CTIF: variants seen among roughly 807,000 people sequenced by gnomAD.
CTIF encodes the protein CBP80/20-dependent translation initiation factor.
Under a neutral mutation model 66.0 loss-of-function variants are expected in CTIF, and 21 were observed. The ratio of observed to expected loss-of-function variants is 0.32; its 90% confidence interval spans 0.23 to 0.46. CTIF has a LOEUF of 0.46. Ranked by LOEUF, CTIF falls within the 20% of genes least tolerant of loss-of-function variation. CTIF has a pLI of 1.00. For synonymous variants in CTIF, 345 were observed against 326.4 expected (o/e 1.06, Z -0.62); for missense variants, 739 against 812.7 (o/e 0.91, Z 1.10).
At chr18:48,633,034 T>C (rs2090748968) in intron 2 of CTIF, among the ~76,000 whole-genome samples, 1 of 32,628 alleles carries the variant, frequency 3.1e-5, no homozygotes, top group African/African-American at 4.8e-5. Flanking sequence ...TGCGTGCCCA[T>C]CAGGAGGCCC....
intron 3 of CTIF, among the ~76,000 whole-genome samples, chr18:48,637,272 G>T (rs1330523487): frequency 2.0e-5 from 3 of 152,156 alleles, no homozygotes; most frequent in African/African-American, 4.8e-5. Context: ...CTTGTGGGTG[G>T]GTTGCATGGC....
intron 6 of CTIF, among the ~76,000 whole-genome samples, chr18:48,678,464 A>G (rs2145110519): frequency 6.6e-6 from 1 of 151,862 alleles, no homozygotes; most frequent in East Asian, 1.9e-4. Flanking sequence ...GCGCCCATAC[A>G]ATAAATGGGG....
chr18:48,670,236 CAG>C (rs1254187813), intron 5 of CTIF, among the ~76,000 whole-genome samples: 3 of 152,138 alleles, frequency 2.0e-5, no homozygotes, highest in African/African-American at 7.2e-5. Context: ...TGGACTGACC[CAG>C]AGTCAAGCCA....
At chr18:48,587,553 G>A (rs1346018227) in intron 1 of CTIF, among the ~76,000 whole-genome samples, 1 of 152,166 alleles carries the variant, frequency 6.6e-6, no homozygotes, top group Non-Finnish European at 1.5e-5. Context: ...GCCTGGGAGG[G>A]AGTTCAGAGG....
intron 9 of CTIF, among the ~76,000 whole-genome samples, chr18:48,793,587 G>A (rs976422890): frequency 4.6e-5 from 7 of 152,170 alleles, no homozygotes; most frequent in African/African-American, 9.7e-5. Context: ...ATCCCTTGGC[G>A]CAAGTGACAT....
intron 1 of CTIF, 73 bp from the exon 2 acceptor site, chr18:48,619,463 GGT>G: frequency 1.1e-6 from 1 of 920,434 alleles, no homozygotes; most frequent in Middle Eastern, 3.2e-4. Context: ...AGGAGCAGAG[GGT>G]GTTTCTCAGG....
intron 1 of CTIF, among the ~76,000 whole-genome samples, chr18:48,585,226 A>G (rs1599187558): frequency 6.6e-6 from 1 of 152,392 alleles, no homozygotes; most frequent in Middle Eastern, 3.4e-3. Context: ...TGTTAACACC[A>G]TTTGAAGATC....
chr18:48,854,113 G>A (rs1429813095), intron 10 of CTIF, among the ~76,000 whole-genome samples: 1 of 152,192 alleles, frequency 6.6e-6, no homozygotes, highest in Admixed American at 6.5e-5. Flanking sequence ...TGGGGTTAAA[G>A]GGCAGCAGAG....
intron 10 of CTIF, among the ~76,000 whole-genome samples, chr18:48,844,487 A>G (rs1292503703): frequency 6.6e-6 from 1 of 152,206 alleles, no homozygotes; most frequent in Non-Finnish European, 1.5e-5. Context: ...TGTGACATCC[A>G]CTGTCGCTAC....
At chr18:48,788,202 G>A (rs545877436) in intron 9 of CTIF, among the ~76,000 whole-genome samples, 2 of 152,182 alleles carry the variant, frequency 1.3e-5, no homozygotes, top group Non-Finnish European at 2.9e-5. Flanking sequence ...CCCAGAAGAG[G>A]GGTAGGAAAG....
At chr18:48,731,210 G>A (rs2092454536) in intron 7 of CTIF, among the ~76,000 whole-genome samples, 1 of 152,052 alleles carries the variant, frequency 6.6e-6, no homozygotes, top group South Asian at 2.1e-4. Flanking sequence ...CACAAGGGAG[G>A]ACCACCTCCT....
intron 7 of CTIF, among the ~76,000 whole-genome samples, chr18:48,734,834 C>T (rs569499686): frequency 2.9e-4 from 44 of 152,318 alleles, no homozygotes; most frequent in Non-Finnish European, 5.7e-4. Context: ...CAAGCCTAGA[C>T]TGAGCCAGGC....
At chr18:48,702,681 G>A (rs569554455) in intron 6 of CTIF, among the ~76,000 whole-genome samples, 1 of 152,204 alleles carries the variant, frequency 6.6e-6, no homozygotes, top group South Asian at 2.1e-4. Context: ...TTTTTAAAAG[G>A]ATCTCTGCTG....
intron 1 of CTIF, among the ~76,000 whole-genome samples, chr18:48,540,518 G>A (rs893675725): frequency 5.3e-5 from 8 of 151,918 alleles, no homozygotes; most frequent in African/African-American, 1.9e-4. Context: ...AGACAATCGG[G>A]AGGGGGGTGG....
intron 10 of CTIF, among the ~76,000 whole-genome samples, chr18:48,823,536 C>A (rs951989816): frequency 6.6e-6 from 1 of 152,166 alleles, no homozygotes; most frequent in Non-Finnish European, 1.5e-5. Flanking sequence ...TGTTTTCATA[C>A]CAGTACCATA....
In CTIF at chr18:48,567,094, G is replaced by C. The variant is rs909435048; in HGVS notation, c.-29+27782G>C. On this transcript the variant is annotated intron_variant, in intron 1 of 11. Coordinates refer to ENST00000256413, the MANE Select transcript of CTIF (RefSeq NM_014772.3). ...GAGTTGGGGATATAGCAGGTGAACA[G>C]AAGAGACAATAAATCTTGCCCTCAT... 7 of 152,228 alleles carry C rather than the reference G, an allele frequency of 4.6e-5. No homozygotes were observed. The East Asian group carries it at 1.3e-3, about 29-fold the overall frequency. The allele number at this position is 152,228 out of a possible 1,614,324, so 9.4% of individuals were successfully genotyped here. A position where few individuals can be genotyped will look rare whatever the true frequency, so the allele number is the denominator to read the frequency against.
At chr18:48,780,251 G>A (rs953354206) in intron 9 of CTIF, among the ~76,000 whole-genome samples, 2 of 152,208 alleles carry the variant, frequency 1.3e-5, no homozygotes, top group African/African-American at 4.8e-5. Context: ...CCTGGGGTGT[G>A]AGCCAAGGCA....
chr18:48,820,033 A>T (rs1380927721), intron 10 of CTIF, among the ~76,000 whole-genome samples: 1 of 152,156 alleles, frequency 6.6e-6, no homozygotes, highest in East Asian at 1.9e-4. Flanking sequence ...ATCTAGGCTG[A>T]TGGGGCCTAG....
intron 9 of CTIF, among the ~76,000 whole-genome samples, chr18:48,770,633 T>A (rs553884562): frequency 6.6e-6 from 1 of 152,376 alleles, no homozygotes; most frequent in African/African-American, 2.4e-5. Context: ...CAGACAGGTG[T>A]GGGTCGTGCC....
Sources: allele counts gnomAD v4.1 joint callset (sites outside exome capture counted in the v4.1 genomes callset), GRCh38; gene constraint gnomAD v4.1.1; transcripts MANE v1.5; gene names NCBI Gene and HGNC (gene_info 2026-07-23, HGNC 2026-07-21).